The following FOXP2 variants were observed in gnomAD, a reference collection of about 807,000 sequenced individuals.
The protein encoded by FOXP2 is forkhead box P2.
A neutral mutation model predicts 115.8 loss-of-function variants in FOXP2; 12 were observed. The ratio of observed to expected loss-of-function variants is 0.10; its 90% CI spans 0.07 to 0.17. The LOEUF (loss-of-function observed/expected upper bound fraction) is 0.17, where lower values mean the gene tolerates loss of function less well. Ranked by LOEUF, FOXP2 falls within the 10% of genes least tolerant of loss-of-function variation. The probability of loss-of-function intolerance (pLI) is 1.00; values close to 1 mark genes in which losing one functional copy is unlikely to be tolerated. For synonymous variants in FOXP2, 328 were observed against 297.7 expected (o/e 1.10, Z -1.05); for missense variants, 629 against 843.5 (o/e 0.75, Z 3.15).
rs539624603 is a variant in FOXP2, at chr7:114,124,753, CCT to C, written c.-247+36918_-247+36919del. On this transcript the variant is annotated intron_variant, in intron 1 of 19. Transcript: ENST00000635638. ...CAACCCCCTCTCACCTCTGCCACCA[CCT>C]CTGTTTTCTCCACCTTACCCCTTTC... 4.3e-3 allele frequency among the ~76,000 whole-genome samples: 648 copies of C among 152,072 alleles called. 7 individuals carry two copies. Among genetic ancestry groups the C allele is most frequent in the African/African-American group, 0.015 (618 of 41,510 alleles).
intron 7 of FOXP2, among the ~76,000 whole-genome samples, chr7:114,644,360 C>A (rs892915511): frequency 3.3e-5 from 5 of 152,042 alleles, no homozygotes; most frequent in African/African-American, 9.7e-5. Flanking sequence ...TTTCACTTGA[C>A]CACATATGAA....
intron 1 of FOXP2, among the ~76,000 whole-genome samples, chr7:114,238,715 T>C (rs961579315): frequency 1.4e-4 from 21 of 152,088 alleles, no homozygotes; most frequent in African/African-American, 5.1e-4. Flanking sequence ...GAGGCTGCAG[T>C]GAGCCAAGAT....
chr7:114,174,878 T>A (rs1485850700), intron 1 of FOXP2, among the ~76,000 whole-genome samples: 1 of 152,100 alleles, frequency 6.6e-6, no homozygotes, highest in African/African-American at 2.4e-5. Flanking sequence ...TGTTCTCTTA[T>A]AATGATGTAG....
At chr7:114,161,460 A>G (rs1430945752), upstream of FOXP2, among the ~76,000 whole-genome samples, 1 of 151,868 alleles carries the variant, frequency 6.6e-6, no homozygotes, top group Non-Finnish European at 1.5e-5. Context: ...TTTTGCCCAC[A>G]TATATTTTAC....
intron 6 of FOXP2, among the ~76,000 whole-genome samples, chr7:114,640,143 T>C (rs1405786576): frequency 6.6e-6 from 1 of 152,268 alleles, no homozygotes; most frequent in South Asian, 2.1e-4. Flanking sequence ...AAGGATTTGC[T>C]AATGAAGTTT....
intron 2 of FOXP2, among the ~76,000 whole-genome samples, chr7:114,397,309 A>G (rs550638206): frequency 5.7e-4 from 87 of 152,324 alleles, no homozygotes; most frequent in Non-Finnish European, 9.7e-4. Flanking sequence ...CATACCGATC[A>G]CTATACTAGG....
intron 3 of FOXP2, among the ~76,000 whole-genome samples, chr7:114,611,593 G>A (rs975110875): frequency 3.3e-5 from 5 of 152,158 alleles, no homozygotes; most frequent in African/African-American, 1.2e-4. Flanking sequence ...ATAGGACCTA[G>A]CTCTACTTTG....
rs1181390350 is a variant in FOXP2 at position 114,217,054 on chromosome 7, A to G, written c.-102+53966A>G. Among the ~76,000 whole-genome samples the G allele has an allele frequency of 6.2e-4, 95 of 152,202 alleles. 3 individuals carry two copies. The highest frequency in any genetic ancestry group is 6.1e-3 in the Admixed American group (93 of 15,282). Reference sequence around the variant, plus strand: ...TATTTATCACCAAATAGAACAGATAATGTTTTAAAATAACTATTTGAAGGA... The same window carrying G: ...TATTTATCACCAAATAGAACAGATAGTGTTTTAAAATAACTATTTGAAGGA... On this transcript the variant is annotated intron_variant, in intron 1 of 17. Transcript: ENST00000634411.
chr7:114,539,032 GA>G (rs1799526319), intron 3 of FOXP2, among the ~76,000 whole-genome samples: 1 of 151,636 alleles, frequency 6.6e-6, no homozygotes, highest in Non-Finnish European at 1.5e-5. Context: ...AATCTACATT[GA>G]AATGTTTTGA....
At chr7:114,239,022 G>A (rs1391798998) in intron 1 of FOXP2, among the ~76,000 whole-genome samples, 2 of 148,730 alleles carry the variant, frequency 1.3e-5, no homozygotes, top group Non-Finnish European at 3.0e-5. Flanking sequence ...TTTAGAAACA[G>A]CATTCACGTT....
At chr7:114,485,478 G>C (rs2129239917) in intron 2 of FOXP2, among the ~76,000 whole-genome samples, 1 of 151,742 alleles carries the variant, frequency 6.6e-6, no homozygotes, top group East Asian at 1.9e-4. Flanking sequence ...ACTTATTTCT[G>C]AACTTTTAAG....
rs56756638 is a variant in FOXP2 at position 114,253,473 on chromosome 7, C to T, written c.-101-34546C>T. Among the ~76,000 whole-genome samples, 898 of 152,226 alleles carry T rather than the reference C, an allele frequency of 5.9e-3. 7 individuals are homozygous for T. Among genetic ancestry groups the T allele is most frequent in the African/African-American group, 0.019 (804 of 41,550 alleles). ...AGGACTTGCTTTATGAATCTTGGTG[C>T]TCCTGTATTGGGTGCATATATATTT... is the stretch of plus-strand genomic sequence containing the variant. On this transcript the variant is annotated intron_variant, in intron 1 of 17. Coordinates refer to the FOXP2 transcript ENST00000634411.
rs1337821661 is a variant in FOXP2 at position 114,290,038 on chromosome 7, C to T, written c.-11+1929C>T. Among the ~76,000 whole-genome samples, 4 of 151,802 alleles carry T rather than the reference C, an allele frequency of 2.6e-5. No individual in the cohort carries two copies. The East Asian group carries it at 7.7e-4, about 29-fold the overall frequency. ...TTAACCTCTGTTAATTTTTGCTTCT[C>T]AGCTCTCAAAGAGTAAAATAGGGGA... On this transcript the variant is annotated intron_variant, in intron 2 of 17. Coordinates refer to the FOXP2 transcript ENST00000634411.
chr7:114,256,052 C>T (rs1795602588), intron 1 of FOXP2, among the ~76,000 whole-genome samples: 1 of 152,150 alleles, frequency 6.6e-6, no homozygotes, highest in African/African-American at 2.4e-5. Context: ...CAACAGCAGG[C>T]TCTTGTTTCT....
chr7:114,534,034 A>G (rs989471570), intron 2 of FOXP2, among the ~76,000 whole-genome samples: 7 of 151,932 alleles, frequency 4.6e-5, no homozygotes, highest in African/African-American at 1.7e-4. Flanking sequence ...TTTTGCTAAG[A>G]ATGCAAATGA....
chr7:114,619,137 C>T (rs1173633567), intron 3 of FOXP2, among the ~76,000 whole-genome samples: 1 of 152,110 alleles, frequency 6.6e-6, no homozygotes, highest in Non-Finnish European at 1.5e-5. Flanking sequence ...TTGCTGTCTG[C>T]ATCTTCATTA....
At chr7:114,206,282 A>G (rs898924382) in intron 1 of FOXP2, among the ~76,000 whole-genome samples, 11 of 152,104 alleles carry the variant, frequency 7.2e-5, no homozygotes, top group African/African-American at 2.7e-4. Context: ...TACTGTGGTC[A>G]CTAGTCTCTG....
At chr7:114,639,058 A>G (rs1805383371) in intron 6 of FOXP2, among the ~76,000 whole-genome samples, 1 of 152,200 alleles carries the variant, frequency 6.6e-6, no homozygotes, top group African/African-American at 2.4e-5. Context: ...TTAGAAGGCA[A>G]GTGGATACTT....
At chr7:114,307,723 C>T (rs929720953) in intron 2 of FOXP2, among the ~76,000 whole-genome samples, 7 of 152,066 alleles carry the variant, frequency 4.6e-5, no homozygotes, top group Non-Finnish European at 1.0e-4. Flanking sequence ...TCATTTTAGG[C>T]ATATTTAAAT....
Sources: gnomAD v4.1 joint callset for allele counts (sites outside exome capture counted in the v4.1 genomes callset) on GRCh38, gnomAD v4.1.1 for gene constraint, MANE v1.5 for transcripts, NCBI Gene and HGNC (gene_info 2026-07-23, HGNC 2026-07-21) for gene names.